Variants in SH3TC2 observed in about 807,000 individuals in gnomAD.
The protein encoded by SH3TC2 is SH3 domain and tetratricopeptide repeat-containing protein 2.
SH3TC2 carries 87 observed loss-of-function variants against 124.5 expected under a neutral mutation model. The observed-to-expected ratio is 0.70, with a 90% CI of 0.59 to 0.84. SH3TC2 has a LOEUF of 0.84. Ranked by LOEUF, SH3TC2 falls within the 40% of genes least tolerant of loss-of-function variation. The pLI is 0.00. For missense variants in SH3TC2, 1,536 were observed against 1,566.4 expected, an observed-to-expected ratio of 0.98 and a Z score of 0.33; for synonymous variants, 634 against 628.5, an observed-to-expected ratio of 1.01 and a Z score of -0.13.
Position 149,027,258 on chromosome 5 carries a change from G to A in SH3TC2, c.2474C>T (p.Ser825Phe). Residue 825 changes from serine to phenylalanine, a missense_variant, in exon 11 of 17, where the codon TCC becomes TTC. By Grantham distance (155) the Ser-to-Phe change is radical. This residue lies in a region of SH3TC2 where 1,102 missense variants were observed against 1,098.6 expected (regional missense o/e 1.00). Coordinates refer to ENST00000515425, the MANE Select transcript of SH3TC2 (RefSeq NM_024577.4). ...ALDVLEPLLC[S>F]LKETESLTQR... The stretch of plus-strand genomic sequence containing the variant: ...AGTGAGACTCTCTGTCTCCTTCAGG[G>A]AGCATAGCAGTGGCTCAAGCACATC... The A allele has an allele frequency of 6.2e-7, 1 of 1,614,152 alleles. No individual in the cohort carries two copies. The highest frequency in any genetic ancestry group is 8.5e-7 in the Non-Finnish European group (1 of 1,180,050).
rs1753540470 is a variant in SH3TC2 at position 148,998,117 on chromosome 5, G to T, written c.*6594C>A. Among the ~76,000 whole-genome samples, 1 of 152,066 alleles carries T rather than the reference G, an allele frequency of 6.6e-6. No homozygotes were observed. Among genetic ancestry groups the T allele is most frequent in the South Asian group, 2.1e-4 (1 of 4,820 alleles). ...AATTTGATATTTTTTAACTAGAATA[G>T]AATGTTTTTAAAAATGAATAGAACA... On this transcript the variant is annotated 3_prime_UTR_variant, in exon 17 of 17. Transcript: ENST00000515425.
rs1753401568 is a variant in SH3TC2 at position 148,990,293 on chromosome 5, T to C, written c.*14418A>G. Among the ~76,000 whole-genome samples, 2 of 152,146 alleles carry C rather than the reference T, an allele frequency of 1.3e-5. No homozygotes were observed. The highest frequency in any genetic ancestry group is 1.3e-4 in the Admixed American group (2 of 15,266). ...CTGTTCCTCTTTAGAAGTACAGATA[T>C]ATGCCTCTCTGAGCCTTAGTTTCCT... On this transcript the variant is annotated 3_prime_UTR_variant, in exon 17 of 17. Coordinates refer to ENST00000515425, the MANE Select transcript of SH3TC2 (RefSeq NM_024577.4).
chr5:149,007,002 G>A lies in SH3TC2; in HGVS notation c.3554C>T (p.Ala1185Val). 1 of 1,614,166 alleles carries A rather than the reference G, an allele frequency of 6.2e-7. No homozygotes were observed. The highest frequency in any genetic ancestry group is 8.5e-7 in the Non-Finnish European group (1 of 1,180,034). Residue 1185 changes from alanine (A) to valine (V), a missense_variant, in exon 16 of 17, where the codon GCT becomes GTT. This residue lies in a region of SH3TC2 where 426 missense variants were observed against 443.5 expected (regional missense o/e 0.96). Coordinates refer to ENST00000515425, the MANE Select transcript of SH3TC2 (RefSeq NM_024577.4). ...CAGGGTCTTCAGGTAGCAGTCCTCA[G>A]CCATCTCATACATGTGCAGGGAGTA... ...VYYSLHMYEM[A>V]EDCYLKTLSL... is the part of the protein sequence containing the mutation.
chr5:149,025,058 C>T (rs779183374), intron 12 of SH3TC2, among the ~76,000 whole-genome samples: 2 of 152,162 alleles, frequency 1.3e-5, no homozygotes, highest in Non-Finnish European at 2.9e-5. Context: ...CCCAGTCCTA[C>T]AATACCTCAC....
rs186894470 is a variant in SH3TC2, at chr5:148,999,809, T to C, written c.*4902A>G. Among the ~76,000 whole-genome samples, 1 of 152,258 alleles carries C rather than the reference T, an allele frequency of 6.6e-6. No individual in the cohort carries two copies. The highest frequency in any genetic ancestry group is 2.4e-5 in the African/African-American group (1 of 41,558). Reference sequence around the variant, plus strand: ...AAGCACAAATCTGACCATGTTTCTTTCAACTGCTTATAATCCTTCTATACC... The same window carrying C: ...AAGCACAAATCTGACCATGTTTCTTCCAACTGCTTATAATCCTTCTATACC... On this transcript the variant is annotated 3_prime_UTR_variant, in exon 17 of 17. Transcript: ENST00000515425.
At chr5:149,053,951 A>T (rs1464249816) in intron 1 of SH3TC2, among the ~76,000 whole-genome samples, 1 of 152,190 alleles carries the variant, frequency 6.6e-6, no homozygotes, top group Non-Finnish European at 1.5e-5. Flanking sequence ...ATGCAGCTAG[A>T]TAGAATAAAT....
intron 1 of SH3TC2, among the ~76,000 whole-genome samples, chr5:149,061,067 T>C (rs1394373126): frequency 1.1e-4 from 17 of 151,894 alleles, no homozygotes; most frequent in Non-Finnish European, 1.5e-5. Context: ...GGGAATAATA[T>C]GGGGGAATGG....
In SH3TC2 at chr5:149,007,165, G is replaced by T. The variant is rs907515244; in HGVS notation, c.3479-88C>A. 12 of 1,278,988 alleles carry T rather than the reference G, an allele frequency of 9.4e-6. No individual in the cohort carries two copies. The African/African-American group carries it at 1.5e-4, about 16-fold the overall frequency. The allele number at this position is 1,278,988 out of a possible 1,614,324, so 79.2% of individuals were successfully genotyped here. ...ATTCATTCCATAAAACTTTTTGAAG[G>T]TCTACTAGATGTCAGGGACTGTGCT... On this transcript the variant is annotated intron_variant, in intron 15 of 16. Coordinates refer to ENST00000515425, the MANE Select transcript of SH3TC2 (RefSeq NM_024577.4).
rs1561768819 is a variant in SH3TC2 at position 149,038,459 on chromosome 5, A to G, written c.837T>C (p.Tyr279=). 2.5e-6 allele frequency: 4 copies of G among 1,614,156 alleles called. No individual in the cohort carries two copies. Among genetic ancestry groups the G allele is most frequent in the Middle Eastern group, 1.6e-4 (1 of 6,062 alleles). The change falls in exon 8 of 17, where the codon TAT becomes TAC. Residue 279 remains tyrosine (Y), a synonymous_variant. Transcript: ENST00000515425. Reference sequence around the variant, plus strand: ...TCAGTTCATCCTTTTCTCCTGGCTCATAACCCGTCAAGGCCTTACAGCGTC... The same window carrying G: ...TCAGTTCATCCTTTTCTCCTGGCTCGTAACCCGTCAAGGCCTTACAGCGTC... ...GRGRCKALTG[Y]EPGEKDELNF... is the part of the protein sequence containing the mutation.
rs1754494929 is a variant in SH3TC2, at chr5:149,047,958, G to A, written c.183C>T (p.Arg61=). 2 of 1,614,026 alleles carry A rather than the reference G, an allele frequency of 1.2e-6. No homozygotes were observed. Among genetic ancestry groups the A allele is most frequent in the Admixed American group, 3.3e-5 (2 of 60,012 alleles). Residue 61 remains arginine (R), a synonymous_variant, in exon 3 of 17, where the codon CGC becomes CGT. Transcript: ENST00000515425. The part of the protein sequence containing the change: ...DLTLSFCVKS[R]SRRCVNGPLQ... ...GGGGTCCATTTACACACCTCCTGGA[G>A]CGGCTCTTTACACAGAAGGAGAGTG...
At chr5:149,044,134 A>T (rs1336301691) in intron 4 of SH3TC2, 1 of 199,210 alleles carries the variant, frequency 5.0e-6, no homozygotes, top group Non-Finnish European at 1.0e-5. Context: ...AACATCTGGA[A>T]CTTTGCTATT....
chr5:149,024,382 A>G (rs1454412711), intron 12 of SH3TC2, among the ~76,000 whole-genome samples: 1 of 152,190 alleles, frequency 6.6e-6, no homozygotes, highest in Non-Finnish European at 1.5e-5. Context: ...TGAACATACT[A>G]CAAAGTCTTT....
rs1213649993 is a variant in SH3TC2 at position 148,991,784 on chromosome 5, A to ATAC, written c.*12924_*12926dup. On this transcript the variant is annotated 3_prime_UTR_variant, in exon 17 of 17. Transcript: ENST00000515425. The stretch of plus-strand genomic sequence containing the variant: ...TGTCCAACCTGCCCTGAATCACTCT[A>ATAC]TACTCACAACAGAAACAGCTGGTGT... 1.3e-5 allele frequency among the ~76,000 whole-genome samples: 2 copies of ATAC among 152,176 alleles called. No homozygotes were observed. The highest frequency in any genetic ancestry group is 4.8e-5 in the African/African-American group (2 of 41,448).
chr5:149,042,658 A>C lies in SH3TC2; in HGVS notation c.529+36T>G. 1.9e-6 allele frequency: 3 copies of C among 1,613,468 alleles called. No homozygotes were observed. The South Asian group carries it at 3.3e-5, about 18-fold the overall frequency. On this transcript the variant is annotated intron_variant, in intron 5 of 16. Transcript: ENST00000515425. ...CATGGCCTCTGGTAGCAAATATCTGAATAAGATCCCATCTCTACCCCTATG... is the reference window on the plus strand; with the variant it reads ...CATGGCCTCTGGTAGCAAATATCTGCATAAGATCCCATCTCTACCCCTATG...
At chr5:149,033,960 C>CA (rs1754241128) in intron 8 of SH3TC2, among the ~76,000 whole-genome samples, 13 of 152,006 alleles carry the variant, frequency 8.6e-5, no homozygotes, top group Admixed American at 5.9e-4. Flanking sequence ...GTTCATGTAA[C>CA]AAAAAATACA....
At chr5:149,051,700 C>T (rs1754560089) in intron 2 of SH3TC2, among the ~76,000 whole-genome samples, 1 of 152,130 alleles carries the variant, frequency 6.6e-6, no homozygotes, top group Non-Finnish European at 1.5e-5. Flanking sequence ...GTGATCCTCC[C>T]ATCTCAGCTT....
chr5:149,010,232 C>T (rs1412641276), intron 14 of SH3TC2, 38 bp downstream of exon 14: 1 of 1,613,852 alleles, frequency 6.2e-7, no homozygotes, highest in African/African-American at 1.3e-5. Context: ...ATGCCCGTGC[C>T]AGGACCTGTC....
chr5:149,041,359 CT>C, intron 6 of SH3TC2, 56 bp downstream of exon 6: 5 of 1,577,746 alleles, frequency 3.2e-6, no homozygotes, highest in Non-Finnish European at 4.3e-6. Flanking sequence ...CTACTCTGTT[CT>C]GTGCAAACCT....
At chr5:149,011,175 A>G (rs556779279) in intron 13 of SH3TC2, among the ~76,000 whole-genome samples, 2 of 152,238 alleles carry the variant, frequency 1.3e-5, no homozygotes, top group Non-Finnish European at 2.9e-5. Context: ...CCTGCACAAC[A>G]TCAGTTAGGT....
Sources: gnomAD v4.1 joint callset for allele counts (sites outside exome capture counted in the v4.1 genomes callset) on GRCh38, gnomAD v4.1.1 for gene constraint, gnomAD v4.1.1 regional missense constraint, MANE v1.5 for transcripts, NCBI Gene and HGNC (gene_info 2026-07-23, HGNC 2026-07-21) for gene names.